PPA2: variants seen among roughly 807,000 people sequenced by gnomAD.
PPA2 encodes inorganic pyrophosphatase 2.
A neutral mutation model predicts 49.5 loss-of-function variants in PPA2; 48 were observed. The observed-to-expected ratio is 0.97, with a 90% CI of 0.77 to 1.23. The LOEUF is 1.23. Among genes scored for constraint, PPA2 ranks in the 50% most tolerant of loss-of-function variants. The pLI is 0.00. For missense variants in PPA2, 429 were observed against 410.1 expected (o/e 1.05, Z -0.40); for synonymous variants, 131 against 139.9 (o/e 0.94, Z 0.45).
chr4:105,393,880 T>C (rs187589695), intron 9 of PPA2, among the ~76,000 whole-genome samples: 52 of 152,270 alleles, frequency 3.4e-4, no homozygotes, highest in Middle Eastern at 3.4e-3. Context: ...CAACGCTGAA[T>C]ATATTTCCAA....
intron 7 of PPA2, among the ~76,000 whole-genome samples, chr4:105,400,510 A>G: frequency 6.6e-6 from 1 of 152,106 alleles, no homozygotes; most frequent in South Asian, 2.1e-4. Context: ...GTGATTGCCT[A>G]TAGTCCAAGC....
At chr4:105,391,197 G>A (rs1325764156) in intron 9 of PPA2, among the ~76,000 whole-genome samples, 3 of 151,936 alleles carry the variant, frequency 2.0e-5, no homozygotes, top group South Asian at 2.1e-4. Context: ...GGGGGGAGGG[G>A]AGGGAGATTA....
intron 10 of PPA2, among the ~76,000 whole-genome samples, chr4:105,381,659 G>A (rs972793514): frequency 6.6e-6 from 1 of 151,996 alleles, no homozygotes; most frequent in African/African-American, 2.4e-5. Flanking sequence ...GTTGCAAAAA[G>A]CTTCTCAGTA....
chr4:105,443,591 TCACACACACACACACACACACACACA>T (rs56765056), intron 5 of PPA2, among the ~76,000 whole-genome samples: 1 of 145,412 alleles, frequency 6.9e-6, no homozygotes, highest in African/African-American at 2.6e-5. Context: ...TATGGTGTAT[TCACACACACACACACACACACACACA>T]CACACACACA....
intron 1 of PPA2, chr4:105,473,531 G>C (rs776993339): frequency 6.0e-6 from 3 of 503,710 alleles, no homozygotes; most frequent in African/African-American, 5.9e-5. Flanking sequence ...TGAGTTGTGT[G>C]AACCGGGAAC....
intron 6 of PPA2, among the ~76,000 whole-genome samples, chr4:105,428,887 C>T (rs889406713): frequency 6.6e-6 from 1 of 152,100 alleles, no homozygotes; most frequent in African/African-American, 2.4e-5. Flanking sequence ...AGGCAATTCA[C>T]AGAAGAAATG....
intron 5 of PPA2, among the ~76,000 whole-genome samples, chr4:105,443,198 TGAA>T (rs1257111259): frequency 1.3e-5 from 2 of 151,974 alleles, no homozygotes; most frequent in East Asian, 1.9e-4. Flanking sequence ...GCAGATACTA[TGAA>T]GAAGATGAGT....
chr4:105,386,526 A>G, intron 10 of PPA2, 41 bp downstream of exon 10: 1 of 1,555,678 alleles, frequency 6.4e-7, no homozygotes, highest in South Asian at 1.1e-5. Flanking sequence ...TTCCTATGAC[A>G]TTTATAAGAT....
At chr4:105,430,220 A>G (rs1277211944) in intron 6 of PPA2, among the ~76,000 whole-genome samples, 1 of 152,234 alleles carries the variant, frequency 6.6e-6, no homozygotes, top group African/African-American at 2.4e-5. Flanking sequence ...TAGAATTTCA[A>G]GTCATAAAGT....
intron 1 of PPA2, among the ~76,000 whole-genome samples, chr4:105,460,853 G>T (rs1170792343): frequency 1.5e-5 from 2 of 130,878 alleles, no homozygotes; most frequent in African/African-American, 7.6e-5. Context: ...TAAGATGTAA[G>T]ATCACATATA....
intron 1 of PPA2, among the ~76,000 whole-genome samples, chr4:105,472,869 A>G (rs1260471068): frequency 6.6e-6 from 1 of 152,216 alleles, no homozygotes; most frequent in African/African-American, 2.4e-5. Flanking sequence ...CCCTGTGACT[A>G]ATCAGTTTAC....
intron 8 of PPA2, among the ~76,000 whole-genome samples, chr4:105,397,299 G>A (rs959086): frequency 0.094 from 14,377 of 152,186 alleles, 752 homozygotes; most frequent in African/African-American, 0.12. Context: ...GATTGCCTGC[G>A]ATGGAGGACG....
intron 10 of PPA2, among the ~76,000 whole-genome samples, chr4:105,372,067 G>A (rs1041677540): frequency 6.6e-6 from 1 of 152,174 alleles, no homozygotes; most frequent in African/African-American, 2.4e-5. Context: ...ATAGAGTCAG[G>A]AGCGTGGACC....
chr4:105,414,609 G>C (rs988792152), intron 7 of PPA2, among the ~76,000 whole-genome samples: 10 of 152,336 alleles, frequency 6.6e-5, no homozygotes, highest in African/African-American at 2.4e-4. Flanking sequence ...AAGCTTGGAG[G>C]CACCAAGAAG....
intron 7 of PPA2, among the ~76,000 whole-genome samples, chr4:105,409,088 A>G (rs1722622138): frequency 6.6e-6 from 1 of 152,230 alleles, no homozygotes; most frequent in Non-Finnish European, 1.5e-5. Flanking sequence ...GAGCAGAAGC[A>G]GGGCAGGGCA....
intron 3 of PPA2, among the ~76,000 whole-genome samples, chr4:105,450,610 T>G (rs1424719345): frequency 7.8e-6 from 1 of 128,658 alleles, no homozygotes; most frequent in African/African-American, 3.1e-5. Context: ...TCTTTTTTTT[T>G]TTTTTTTTTT....
At chr4:105,408,403 T>C (rs1343636869) in intron 7 of PPA2, among the ~76,000 whole-genome samples, 1 of 152,190 alleles carries the variant, frequency 6.6e-6, no homozygotes, top group African/African-American at 2.4e-5. Context: ...AAACCTTTTT[T>C]TAAATACGTT....
chr4:105,462,115 C>T (rs1010890944), intron 1 of PPA2, among the ~76,000 whole-genome samples: 22 of 152,006 alleles, frequency 1.4e-4, no homozygotes, highest in Admixed American at 5.9e-4. Context: ...GGTACATATG[C>T]GCTACAGACA....
intron 7 of PPA2, among the ~76,000 whole-genome samples, chr4:105,414,046 T>C (rs1325238776): frequency 1.3e-5 from 2 of 152,086 alleles, no homozygotes; most frequent in Non-Finnish European, 2.9e-5. Context: ...ATTTACATAC[T>C]CAATTCACAG....
Sources: gnomAD v4.1 joint callset for allele counts (sites outside exome capture counted in the v4.1 genomes callset) on GRCh38, gnomAD v4.1.1 for gene constraint, MANE v1.5 for transcripts, NCBI Gene and HGNC (gene_info 2026-07-23, HGNC 2026-07-21) for gene names.